The following SGCZ variants were observed in gnomAD, a reference collection of about 807,000 sequenced individuals.
The protein encoded by SGCZ is zeta-sarcoglycan.
SGCZ carries 40 observed loss-of-function variants against 41.3 expected under a neutral mutation model. That is an observed-to-expected ratio of 0.97 (90% confidence interval 0.75 to 1.26). The LOEUF is 1.26. Among genes scored for constraint, SGCZ ranks in the 50% most tolerant of loss-of-function variants. The probability of loss-of-function intolerance (pLI) is 0.00; values close to 1 mark genes in which losing one functional copy is unlikely to be tolerated. For missense variants in SGCZ, 552 were observed against 369.8 expected, an observed-to-expected ratio of 1.49 and a Z score of -4.04; for synonymous variants, 206 against 137.5, an observed-to-expected ratio of 1.50 and a Z score of -3.49.
chr8:14,671,695 T>G, intron 1 of SGCZ, among the ~76,000 whole-genome samples: 1 of 152,130 alleles, frequency 6.6e-6, no homozygotes, highest in South Asian at 2.1e-4. Context: ...CATTTTCACT[T>G]TTAAGCCAAA....
chr8:14,271,236 C>T (rs1476866622), intron 3 of SGCZ, among the ~76,000 whole-genome samples: 1 of 151,750 alleles, frequency 6.6e-6, no homozygotes, highest in Non-Finnish European at 1.5e-5. Flanking sequence ...AGTTGACTAT[C>T]TAATAAAGGA....
chr8:14,969,436 A>G (rs1330765807), intron 1 of SGCZ, among the ~76,000 whole-genome samples: 4 of 152,074 alleles, frequency 2.6e-5, no homozygotes, highest in Admixed American at 2.0e-4. Flanking sequence ...CGACATATCT[A>G]TACAACTACA....
At chr8:15,117,758 C>T (rs1030302491) in intron 1 of SGCZ, among the ~76,000 whole-genome samples, 14 of 152,158 alleles carry the variant, frequency 9.2e-5, no homozygotes, top group African/African-American at 3.1e-4. Flanking sequence ...GATAATTTAA[C>T]CACTCAGAAA....
At chr8:14,771,417 A>T (rs2256035) in intron 1 of SGCZ, among the ~76,000 whole-genome samples, 1 of 151,952 alleles carries the variant, frequency 6.6e-6, no homozygotes, top group Admixed American at 6.6e-5. Flanking sequence ...GGCTAAAAAC[A>T]TCTCCCTTAA....
intron 2 of SGCZ, among the ~76,000 whole-genome samples, chr8:14,526,351 C>A (rs1802949687): frequency 6.6e-6 from 1 of 152,068 alleles, no homozygotes; most frequent in African/African-American, 2.4e-5. Flanking sequence ...AGTCAGAGTT[C>A]TTTTCTATTT....
intron 1 of SGCZ, chr8:14,690,378 A>T (rs1360540664): frequency 6.6e-6 from 1 of 152,086 alleles, no homozygotes; most frequent in Admixed American, 6.6e-5. Flanking sequence ...CCCAGCCAGG[A>T]GGTCTCAGGC....
chr8:14,102,913 G>A (rs1039527571), intron 6 of SGCZ, among the ~76,000 whole-genome samples: 2 of 152,134 alleles, frequency 1.3e-5, no homozygotes, highest in African/African-American at 4.8e-5. Flanking sequence ...AGTTTAGGAT[G>A]TAGATATATG....
At chr8:14,129,228 C>G (rs774809745) in intron 5 of SGCZ, among the ~76,000 whole-genome samples, 1 of 151,686 alleles carries the variant, frequency 6.6e-6, no homozygotes, top group Non-Finnish European at 1.5e-5. Context: ...TGCCTGTACT[C>G]CCAGCTACTC....
chr8:14,493,984 A>C (rs1375091027), intron 2 of SGCZ, among the ~76,000 whole-genome samples: 5 of 152,180 alleles, frequency 3.3e-5, no homozygotes, highest in Non-Finnish European at 5.9e-5. Context: ...AAAAATATGC[A>C]GCAGTAATCT....
chr8:14,963,516 T>C (rs554465089), intron 1 of SGCZ, among the ~76,000 whole-genome samples: 2 of 152,130 alleles, frequency 1.3e-5, no homozygotes, highest in Non-Finnish European at 2.9e-5. Flanking sequence ...TTGTTCTTTC[T>C]TTTGTATTTT....
intron 1 of SGCZ, among the ~76,000 whole-genome samples, chr8:14,738,020 G>C (rs541323397): frequency 6.6e-6 from 1 of 152,004 alleles, no homozygotes; most frequent in African/African-American, 2.4e-5. Flanking sequence ...AGTTCACACA[G>C]GTAGTGAGGT....
At chr8:14,807,374 C>G (rs568186496) in intron 1 of SGCZ, among the ~76,000 whole-genome samples, 2 of 152,256 alleles carry the variant, frequency 1.3e-5, no homozygotes, top group African/African-American at 2.4e-5. Flanking sequence ...TAAGCAACTT[C>G]AGCAAAGTCT....
At chr8:14,837,246 G>T (rs1185007811) in intron 1 of SGCZ, among the ~76,000 whole-genome samples, 3 of 152,178 alleles carry the variant, frequency 2.0e-5, no homozygotes, top group Non-Finnish European at 2.9e-5. Context: ...GATCAGGAAG[G>T]CCATTTTGAA....
intron 1 of SGCZ, among the ~76,000 whole-genome samples, chr8:14,899,537 A>C (rs898118768): frequency 3.3e-5 from 5 of 152,210 alleles, no homozygotes; most frequent in African/African-American, 1.2e-4. Flanking sequence ...GAGGTTTGCC[A>C]GGCAGGCTGG....
intron 1 of SGCZ, among the ~76,000 whole-genome samples, chr8:14,640,145 G>C (rs1400312296): frequency 6.6e-6 from 1 of 151,570 alleles, no homozygotes; most frequent in Non-Finnish European, 1.5e-5. Context: ...TTTAAGGCAA[G>C]ATATTAAGAA....
At chr8:15,138,666 C>T (rs996190130) in intron 1 of SGCZ, among the ~76,000 whole-genome samples, 4 of 152,158 alleles carry the variant, frequency 2.6e-5, no homozygotes, top group Non-Finnish European at 2.9e-5. Flanking sequence ...TGAAGAGGTG[C>T]CTGCCACCAT....
intron 2 of SGCZ, among the ~76,000 whole-genome samples, chr8:14,537,016 T>C (rs1803317158): frequency 6.6e-6 from 1 of 151,780 alleles, no homozygotes. Context: ...ATTGCATGAG[T>C]TATGATTTTA....
chr8:14,646,859 G>C (rs1305631683), intron 1 of SGCZ, among the ~76,000 whole-genome samples: 1 of 151,910 alleles, frequency 6.6e-6, no homozygotes, highest in Non-Finnish European at 1.5e-5. Flanking sequence ...GTAAGACAGA[G>C]ACCCTTTTCT....
At chr8:14,624,720 G>A (rs1054296859) in intron 1 of SGCZ, among the ~76,000 whole-genome samples, 13 of 151,262 alleles carry the variant, frequency 8.6e-5, no homozygotes, top group African/African-American at 2.7e-4. Flanking sequence ...ACAGATGTGC[G>A]CCACCACACC....
Sources: allele counts gnomAD v4.1 joint callset (sites outside exome capture counted in the v4.1 genomes callset), GRCh38; gene constraint gnomAD v4.1.1; transcripts MANE v1.5; gene names NCBI Gene and HGNC (gene_info 2026-07-23, HGNC 2026-07-21).